Variants in CERT1 observed in about 807,000 individuals in gnomAD.
CERT1 encodes the protein ceramide transfer protein.
Under a neutral mutation model 87.9 loss-of-function variants are expected in CERT1, and 31 were observed. The observed-to-expected ratio is 0.35, with a 90% CI of 0.27 to 0.48. The LOEUF is 0.48. Ranked by LOEUF, CERT1 falls within the 20% of genes least tolerant of loss-of-function variation. The pLI is 0.99. For missense variants in CERT1, 487 were observed against 758.0 expected, an observed-to-expected ratio of 0.64 and a Z score of 4.20; for synonymous variants, 289 against 250.9, an observed-to-expected ratio of 1.15 and a Z score of -1.44.
intron 3 of CERT1, among the ~76,000 whole-genome samples, chr5:75,447,887 G>A (rs1295914011): frequency 6.6e-6 from 1 of 151,962 alleles, no homozygotes; most frequent in Non-Finnish European, 1.5e-5. Context: ...CAATCCTCCT[G>A]ACTCAGCCTC....
At chr5:75,480,526 G>A (rs573371853) in intron 2 of CERT1, among the ~76,000 whole-genome samples, 4 of 152,290 alleles carry the variant, frequency 2.6e-5, no homozygotes, top group Non-Finnish European at 4.4e-5. Flanking sequence ...AAACTCACAC[G>A]CATACATGCC....
At chr5:75,470,708 A>C (rs535683297) in intron 2 of CERT1, among the ~76,000 whole-genome samples, 21 of 152,328 alleles carry the variant, frequency 1.4e-4, no homozygotes, top group Non-Finnish European at 2.6e-4. Flanking sequence ...ACAAGACAAG[A>C]ATACCGACTC....
chr5:75,448,569 A>C (rs1764646771), intron 3 of CERT1, among the ~76,000 whole-genome samples: 1 of 152,198 alleles, frequency 6.6e-6, no homozygotes, highest in South Asian at 2.1e-4. Context: ...TGACTTTAGG[A>C]AACATTTTCT....
downstream of CERT1, chr5:75,374,097 C>G: frequency 2.5e-6 from 1 of 395,940 alleles, no homozygotes; most frequent in Non-Finnish European, 4.4e-6. Context: ...GGGCCACAGA[C>G]AAGGCTATAG....
At chr5:75,510,226 A>AG (rs973587418) in intron 1 of CERT1, among the ~76,000 whole-genome samples, 12 of 152,068 alleles carry the variant, frequency 7.9e-5, no homozygotes, top group African/African-American at 2.9e-4. Context: ...CATGTCTAAA[A>AG]AAGTTTAACA....
rs79005196 is a variant in CERT1 at position 75,468,905 on chromosome 5, C to A, written c.232-9724G>T. On this transcript the variant is annotated intron_variant, in intron 2 of 16. Coordinates refer to ENST00000643780, the MANE Select transcript of CERT1 (RefSeq NM_001379029.1). ...ATATAGATGCACAACAGGAAGGATC[C>A]AGAACAACCAGGGAAACATGACCTT... Among the ~76,000 whole-genome samples, 317 of 152,168 alleles carry A rather than the reference C, an allele frequency of 2.1e-3. 1 individual carries two copies. The East Asian group carries it at 0.027, about 13-fold the overall frequency.
At chr5:75,489,303 A>C (rs1301318418) in intron 2 of CERT1, among the ~76,000 whole-genome samples, 2 of 152,230 alleles carry the variant, frequency 1.3e-5, no homozygotes, top group African/African-American at 4.8e-5. Flanking sequence ...CCTAGAAGAA[A>C]ACCTAGGCAA....
chr5:75,477,393 G>T (rs1008818371), intron 2 of CERT1, among the ~76,000 whole-genome samples: 1 of 151,600 alleles, frequency 6.6e-6, no homozygotes, highest in African/African-American at 2.4e-5. Flanking sequence ...GATAAAATAC[G>T]GTAAAATTGG....
chr5:75,479,197 G>A (rs1298474816), intron 2 of CERT1, among the ~76,000 whole-genome samples: 2 of 152,014 alleles, frequency 1.3e-5, no homozygotes, highest in East Asian at 3.9e-4. Context: ...TCACTACTTT[G>A]CAAACATTAT....
intron 2 of CERT1, among the ~76,000 whole-genome samples, chr5:75,471,887 A>G (rs957431007): frequency 6.6e-6 from 1 of 152,182 alleles, no homozygotes; most frequent in Non-Finnish European, 1.5e-5. Flanking sequence ...CCTTCTTAAG[A>G]TACCAATGAC....
chr5:75,392,862 C>T (rs904301323), intron 11 of CERT1, among the ~76,000 whole-genome samples: 3 of 146,288 alleles, frequency 2.1e-5, no homozygotes, highest in Non-Finnish European at 3.0e-5. Flanking sequence ...CCCAGCTACT[C>T]AGGAGGCTGT....
rs1415571919 is a variant in CERT1, at chr5:75,377,928, T to C, written c.*1418A>G. On this transcript the variant is annotated 3_prime_UTR_variant, in exon 17 of 17. Coordinates refer to ENST00000643780, the MANE Select transcript of CERT1 (RefSeq NM_001379029.1). Reference sequence around the variant, plus strand: ...TCAGCCTCCCAAGTACCTAGGACTATACATGTATACCACCACGCCTAATTG... The same window carrying C: ...TCAGCCTCCCAAGTACCTAGGACTACACATGTATACCACCACGCCTAATTG... The C allele has an allele frequency of 2.0e-5, 3 of 152,178 alleles. No homozygotes were observed. The highest frequency in any genetic ancestry group is 1.9e-4 in the East Asian group (1 of 5,194). The allele number at this position is 152,178 out of a possible 1,614,324, so 9.4% of individuals were successfully genotyped here.
Position 75,456,799 on chromosome 5 carries a change from G to C in CERT1, c.348+2266C>G. ...GCTTAAGTCCCACTGCTCTGAGAGA[G>C]ACCCAAAGATTAAATCTATCCATTG... is the stretch of plus-strand genomic sequence containing the variant. On this transcript the variant is annotated intron_variant, in intron 3 of 16. Coordinates refer to ENST00000643780, the MANE Select transcript of CERT1 (RefSeq NM_001379029.1). 1.3e-5 allele frequency among the ~76,000 whole-genome samples: 2 copies of C among 151,742 alleles called. 1 individual carries two copies. Among genetic ancestry groups the C allele is most frequent in the Non-Finnish European group, 2.9e-5 (2 of 68,008 alleles).
chr5:75,463,733 A>T (rs1765335354), intron 2 of CERT1, among the ~76,000 whole-genome samples: 1 of 152,188 alleles, frequency 6.6e-6, no homozygotes, highest in South Asian at 2.1e-4. Flanking sequence ...AAGGCTTTAT[A>T]GGGTGCTAAA....
At chr5:75,496,649 CAAGTT>C (rs1265639937) in intron 2 of CERT1, among the ~76,000 whole-genome samples, 4 of 152,020 alleles carry the variant, frequency 2.6e-5, no homozygotes, top group Admixed American at 6.6e-5. Flanking sequence ...TAAAAAGCAA[CAAGTT>C]AAGAATACAT....
chr5:75,401,463 G>A (rs771921405), intron 9 of CERT1: 2 of 152,132 alleles, frequency 1.3e-5, no homozygotes, highest in Non-Finnish European at 2.9e-5. Flanking sequence ...GTAAAACTAA[G>A]AGTAAGACTG....
intron 3 of CERT1, among the ~76,000 whole-genome samples, chr5:75,441,308 G>A (rs1172803689): frequency 6.6e-6 from 1 of 152,076 alleles, no homozygotes; most frequent in Non-Finnish European, 1.5e-5. Context: ...GTGTGTAATA[G>A]ACTATACCAT....
At chr5:75,447,573 C>A (rs1451976121) in intron 3 of CERT1, among the ~76,000 whole-genome samples, 1 of 151,856 alleles carries the variant, frequency 6.6e-6, no homozygotes, top group Non-Finnish European at 1.5e-5. Flanking sequence ...CAGGTTCATG[C>A]CATTCTCCCG....
chr5:75,432,516 G>A (rs916254422), intron 3 of CERT1, among the ~76,000 whole-genome samples: 1 of 152,232 alleles, frequency 6.6e-6, no homozygotes, highest in Non-Finnish European at 1.5e-5. Context: ...TGTCTTTTGA[G>A]AAGTGTCTGT....
Sources: allele counts gnomAD v4.1 joint callset (sites outside exome capture counted in the v4.1 genomes callset), GRCh38; gene constraint gnomAD v4.1.1; transcripts MANE v1.5; gene names NCBI Gene and HGNC (gene_info 2026-07-23, HGNC 2026-07-21).